LTBP4: variants seen among roughly 807,000 people sequenced by gnomAD.
LTBP4 encodes the protein latent-transforming growth factor beta-binding protein 4.
LTBP4 carries 93 observed loss-of-function variants against 180.2 expected under a neutral mutation model. The observed-to-expected ratio is 0.52, with a 90% CI of 0.44 to 0.61. LTBP4 has a LOEUF of 0.61. Among genes scored for constraint, LTBP4 ranks in the 20% least tolerant of loss-of-function variants. The pLI, the probability that LTBP4 is intolerant of heterozygous loss-of-function variation, is 0.00. For synonymous variants in LTBP4, 947 were observed against 934.5 expected (o/e 1.01, Z -0.24); for missense variants, 2,116 against 2,256.5 (o/e 0.94, Z 1.26).
chr19:40,625,767 G>A (rs1037157300), intron 26 of LTBP4, 90 bp from the exon 27 acceptor site: 41 of 1,178,858 alleles, frequency 3.5e-5, no homozygotes, highest in Non-Finnish European at 4.5e-5. Flanking sequence ...TAGGCAGAGG[G>A]TGCCTGGGCT....
intron 19 of LTBP4, among the ~76,000 whole-genome samples, chr19:40,616,312 T>C (rs2081548770): frequency 1.1e-5 from 1 of 89,554 alleles, no homozygotes. Flanking sequence ...AAAAAAAAGC[T>C]GGATGGGGTG....
At chr19:40,624,467 C>T (rs1402888276) in intron 26 of LTBP4, among the ~76,000 whole-genome samples, 1 of 152,232 alleles carries the variant, frequency 6.6e-6, no homozygotes, top group Non-Finnish European at 1.5e-5. Flanking sequence ...CATCTCAGCT[C>T]ACTGCAACCT....
intron 27 of LTBP4, 60 bp downstream of exon 27, chr19:40,626,069 C>T (rs981480115): frequency 2.3e-5 from 35 of 1,494,466 alleles, no homozygotes; most frequent in Non-Finnish European, 3.1e-5. Context: ...CAAATCTAGG[C>T]CCTCAGATCC....
In LTBP4 at chr19:40,605,055, C is replaced by T. The variant is rs947820787; in HGVS notation, c.271C>T (p.His91Tyr). Residue 91 changes from histidine to tyrosine, a missense_variant, in exon 2 of 30, where the codon CAC (histidine) becomes TAC (tyrosine). By Grantham distance (83) the His-to-Tyr change is moderately conservative. This residue lies in a region of LTBP4 where 469 missense variants were observed against 532.5 expected (regional missense o/e 0.88). Coordinates refer to ENST00000396819, the MANE Select transcript of LTBP4 (RefSeq NM_001042545.2). The surrounding 1 kb of genome is among the most constrained non-coding windows in gnomAD (Gnocchi z 5.5). ...FRAFLCPLIC[H>Y]NGGVCVKPDR... ...CCCAGTCCTGTGTCCCTTGATCTGT[C>T]ACAATGGCGGTGTGTGCGTGAAGCC... 2 of 1,613,524 alleles carry T rather than the reference C, an allele frequency of 1.2e-6. No homozygotes were observed. Among genetic ancestry groups the T allele is most frequent in the Non-Finnish European group, 1.7e-6 (2 of 1,179,660 alleles).
At position 40,613,164 on chromosome 19, in the gene LTBP4, G is replaced by A. The variant is rs1401651682; in HGVS notation, c.2399G>A (p.Arg800Gln). The A allele has an allele frequency of 1.3e-6, 2 of 1,579,764 alleles. No individual in the cohort carries two copies. The highest frequency in any genetic ancestry group is 1.8e-5 in the Admixed American group (1 of 54,700). Residue 800 changes from arginine (R) to glutamine (Q), a missense_variant, in exon 16 of 30, where the codon CGG becomes CAG. Transcript: ENST00000396819. This position sits in a 1 kb window ranked among gnomAD's most constrained non-coding sequence, Gnocchi z 5.0. ...SFRCSCAPGY[R>Q]APSGRPGPCA... ...CGCTGCAGCTGCGCGCCAGGCTACC[G>A]GGCGCCGTCGGGTCGGCCCGGGCCC...
chr19:40,627,408 G>A, intron 28 of LTBP4, 53 bp downstream of exon 28: 2 of 1,450,412 alleles, frequency 1.4e-6, no homozygotes, highest in South Asian at 1.4e-5. Flanking sequence ...GGTGTGCACG[G>A]AGAGAGGAGG....
In LTBP4 at chr19:40,623,638, G is replaced by GT; in HGVS notation, c.3592dup (p.Cys1198LeufsTer34). On this transcript the variant is annotated frameshift_variant, in exon 25 of 30. Transcript: ENST00000396819. LOFTEE classifies it high-confidence loss of function. The stretch of plus-strand genomic sequence containing the variant: ...AATGTCAGCTCTTCCGAGACCAGGT[G>GT]TGCAAGAGTGGCGTGTGTGTGAACA... 1 of 1,613,848 alleles carries GT rather than the reference G, an allele frequency of 6.2e-7. No homozygotes were observed. The highest frequency in any genetic ancestry group is 1.1e-5 in the South Asian group (1 of 91,086).
At chr19:40,620,181 A>G (rs2035029944) in intron 22 of LTBP4, among the ~76,000 whole-genome samples, 1 of 150,760 alleles carries the variant, frequency 6.6e-6, no homozygotes, top group African/African-American at 2.4e-5. Flanking sequence ...GACTTATCAC[A>G]GTAAGAGAGC....
Position 40,611,038 on chromosome 19 carries a change from G to T in LTBP4, c.1811-114G>T. 7.1e-7 allele frequency: 1 copy of T among 1,406,226 alleles called. No individual in the cohort carries two copies. 87.1% of individuals were successfully genotyped at this position (1,406,226 alleles called of 1,614,324 possible). A position where few individuals can be genotyped will look rare whatever the true frequency, so the allele number is the denominator to read the frequency against. ...ATGCAGAGTCAGATGATGGTGACAA[G>T]GAGGAATAGAGATGGGGTCACGGGG... On this transcript the variant is annotated intron_variant, in intron 12 of 29. Coordinates refer to ENST00000396819, the MANE Select transcript of LTBP4 (RefSeq NM_001042545.2). This position sits in a 1 kb window ranked among gnomAD's most constrained non-coding sequence, Gnocchi z 4.4.
chr19:40,606,135 C>T, intron 4 of LTBP4, 98 bp from the exon 5 acceptor site: 1 of 1,140,284 alleles, frequency 8.8e-7, no homozygotes, highest in Non-Finnish European at 1.3e-6. Flanking sequence ...AAACTACAGC[C>T]AACATCTTTT....
chr19:40,629,636 CG>C lies in LTBP4; in HGVS notation c.*90del. The C allele has an allele frequency of 8.0e-7, 1 of 1,253,442 alleles. No homozygotes were observed. The highest frequency in any genetic ancestry group is 3.5e-5 in the East Asian group (1 of 28,586). The allele number at this position is 1,253,442 out of a possible 1,614,324, so 77.6% of individuals were successfully genotyped here. A position where few individuals can be genotyped will look rare whatever the true frequency, so the allele number is the denominator to read the frequency against. On this transcript the variant is annotated 3_prime_UTR_variant, in exon 30 of 30. Coordinates refer to ENST00000396819, the MANE Select transcript of LTBP4 (RefSeq NM_001042545.2). The surrounding 1 kb of genome is among the most constrained non-coding windows in gnomAD (Gnocchi z 4.5). ...TGCAGCCCGCTTATGCGTATGTGCA[CG>C]GGGCCGCCCGCCTGGACCTGGAGAA...
At chr19:40,598,767 C>T (rs2081404724), upstream of LTBP4, 1 of 242,662 alleles carries the variant, frequency 4.1e-6, no homozygotes, top group African/African-American at 2.3e-5. Context: ...GTGAAAATGG[C>T]GCCACCTGTC....
intron 1 of LTBP4, among the ~76,000 whole-genome samples, chr19:40,594,114 G>A (rs1216221770): frequency 1.3e-5 from 2 of 151,496 alleles, no homozygotes; most frequent in Non-Finnish European, 2.9e-5. Flanking sequence ...GGGTGGGGGG[G>A]GAGAGAGAGA....
At chr19:40,612,329 C>A in intron 15 of LTBP4, 137 bp downstream of exon 15, 2 of 1,209,162 alleles carry the variant, frequency 1.7e-6, no homozygotes, top group Non-Finnish European at 2.3e-6. Context: ...TGACTCCTGA[C>A]CCTGACCTGG....
chr19:40,613,462 T>G lies in LTBP4; in HGVS notation c.2490T>G (p.Thr830=). The G allele has an allele frequency of 6.3e-7, 1 of 1,598,794 alleles. No homozygotes were observed. The highest frequency in any genetic ancestry group is 8.5e-7 in the Non-Finnish European group (1 of 1,173,168). ...FCFPHGECLN[T]DGSFACTCAP... ...TCCCTCACGGCGAGTGCCTCAACAC[T>G]GACGGCTCCTTTGCCTGTACTTGTG... Residue 830 remains threonine, a synonymous_variant, in exon 17 of 30, where the codon ACT becomes ACG. Transcript: ENST00000396819. This position sits in a 1 kb window ranked among gnomAD's most constrained non-coding sequence, Gnocchi z 5.0.
At position 40,609,101 on chromosome 19, in the gene LTBP4, AG is replaced by A. The variant is rs1043522414; in HGVS notation, c.1427-428del. 1.3e-5 allele frequency among the ~76,000 whole-genome samples: 2 copies of A among 152,066 alleles called. No homozygotes were observed. The highest frequency in any genetic ancestry group is 2.9e-5 in the Non-Finnish European group (2 of 68,020). The stretch of plus-strand genomic sequence containing the variant: ...TGGGCTCTTCTGTGTCAATCGAGCA[AG>A]CCATTTAACCTCTGAGACTCAGTTT... On this transcript the variant is annotated intron_variant, in intron 9 of 29. Transcript: ENST00000396819. This position sits in a 1 kb window ranked among gnomAD's most constrained non-coding sequence, Gnocchi z 4.9.
At chr19:40,626,328 C>T (rs981385209) in intron 27 of LTBP4, among the ~76,000 whole-genome samples, 3 of 152,208 alleles carry the variant, frequency 2.0e-5, no homozygotes, top group Admixed American at 6.5e-5. Context: ...ATGTCCTCCC[C>T]TAAATCCTGG....
intron 12 of LTBP4, 158 bp from the exon 13 acceptor site, chr19:40,610,994 T>G: frequency 3.9e-6 from 4 of 1,017,794 alleles, no homozygotes; most frequent in Non-Finnish European, 5.7e-6. Context: ...CCAGGCAGCT[T>G]AGTAGGGATT....
intron 19 of LTBP4, among the ~76,000 whole-genome samples, chr19:40,615,574 A>G (rs1051800285): frequency 2.0e-5 from 3 of 152,228 alleles, no homozygotes; most frequent in African/African-American, 4.8e-5. Context: ...CCTGGCCAAC[A>G]TGGTGAAACC....
Sources: allele counts gnomAD v4.1 joint callset (sites outside exome capture counted in the v4.1 genomes callset), GRCh38; gene constraint gnomAD v4.1.1; regional missense constraint gnomAD v4.1.1; non-coding constraint Gnocchi (gnomAD v3.1); transcripts MANE v1.5; gene names NCBI Gene and HGNC (gene_info 2026-07-23, HGNC 2026-07-21).